The following SYNE1 variants were observed in gnomAD, a reference collection of about 807,000 sequenced individuals.
The protein encoded by SYNE1 is spectrin repeat containing nuclear envelope protein 1, also known as nesprin-1.
In SYNE1, 616 loss-of-function variants were observed where a neutral mutation model predicts 1,111.0. The ratio of observed to expected loss-of-function variants is 0.55; its 90% CI spans 0.52 to 0.59. The LOEUF (loss-of-function observed/expected upper bound fraction) is 0.59. Ranked by LOEUF, SYNE1 falls within the 20% of genes least tolerant of loss-of-function variation. The pLI, the probability that SYNE1 is intolerant of heterozygous loss-of-function variation, is 0.00. For synonymous variants in SYNE1, 3,855 were observed against 3,825.8 expected (o/e 1.01, Z -0.28); for missense variants, 10,006 against 10,417.0 (o/e 0.96, Z 1.72).
intron 127 of SYNE1, among the ~76,000 whole-genome samples, chr6:152,190,329 T>C (rs932874193): frequency 1.3e-5 from 2 of 152,210 alleles, no homozygotes; most frequent in Admixed American, 1.3e-4. Flanking sequence ...CCTCCACCAC[T>C]GAAGTCTTGA....
chr6:152,372,829 A>G (rs990697095), intron 59 of SYNE1, among the ~76,000 whole-genome samples: 90 of 152,196 alleles, frequency 5.9e-4, no homozygotes, highest in Non-Finnish European at 3.1e-4. Context: ...AGACCCTAAC[A>G]TGCAGGAAGC....
chr6:152,553,327 G>A (rs540031626), intron 3 of SYNE1, among the ~76,000 whole-genome samples: 1 of 152,228 alleles, frequency 6.6e-6, no homozygotes, highest in East Asian at 1.9e-4. Flanking sequence ...CAACCTATCT[G>A]GAGATAGGCA....
chr6:152,219,287 C>T (rs2079511590), intron 119 of SYNE1, 102 bp from the exon 120 acceptor site: 12 of 1,134,372 alleles, frequency 1.1e-5, no homozygotes, highest in East Asian at 2.4e-5. Flanking sequence ...ACCATTCCTA[C>T]GGATCATATT....
intron 124 of SYNE1, among the ~76,000 whole-genome samples, chr6:152,209,353 G>C (rs1185289935): frequency 6.6e-6 from 1 of 152,030 alleles, no homozygotes; most frequent in Non-Finnish European, 1.5e-5. Flanking sequence ...TTAAACAAAA[G>C]GTGAATAACA....
chr6:152,146,753 A>G (rs2059579938), intron 137 of SYNE1: 1 of 152,120 alleles, frequency 6.6e-6, no homozygotes, highest in Non-Finnish European at 1.5e-5. Flanking sequence ...TTCTATTTTT[A>G]TTCACCTTCC....
rs146445910 is a variant in SYNE1, at chr6:152,123,832, G to A, written c.26154-1156C>T. Reference sequence around the variant, plus strand: ...ATATGAGCGTGTGAAAGCTGTATTGGTAACTGTAGGTTTGGTCCAGAAGAA... The same window carrying A: ...ATATGAGCGTGTGAAAGCTGTATTGATAACTGTAGGTTTGGTCCAGAAGAA... On this transcript the variant is annotated intron_variant, in intron 145 of 145. Coordinates refer to ENST00000367255, the MANE Select transcript of SYNE1 (RefSeq NM_182961.4). Among the ~76,000 whole-genome samples, 497 of 152,310 alleles carry A rather than the reference G, an allele frequency of 3.3e-3. 2 individuals carry two copies. Among genetic ancestry groups the A allele is most frequent in the Admixed American group, 8.7e-3 (133 of 15,304 alleles).
At chr6:152,124,967 G>T (rs1165297114) in intron 145 of SYNE1, among the ~76,000 whole-genome samples, 1 of 152,218 alleles carries the variant, frequency 6.6e-6, no homozygotes, top group Non-Finnish European at 1.5e-5. Flanking sequence ...CCTCTGCGGT[G>T]TGTACTTATT....
At chr6:152,316,619 G>A in intron 87 of SYNE1, 1 of 546,976 alleles carries the variant, frequency 1.8e-6, no homozygotes. Flanking sequence ...GGGTCTTGGT[G>A]TAAGGTAGGT....
rs2097282755 is a variant in SYNE1 at position 152,376,402 on chromosome 6, T to G, written c.9303A>C (p.Ser3101=). 1 of 1,614,086 alleles carries G rather than the reference T, an allele frequency of 6.2e-7. No individual in the cohort carries two copies. ...TTACCTGTATTTTCTGAAGACTAGT[T>G]GAAACTTCACTTATATTTTGAGGTA... The part of the protein sequence containing the change: ...FDIPQNISEV[S]TSLQKIQEFL... The change falls in exon 58 of 146, where the codon TCA becomes TCC. Residue 3101 remains serine (S), a synonymous_variant. Transcript: ENST00000367255.
At chr6:152,334,600 G>A (rs146527985) in intron 76 of SYNE1, among the ~76,000 whole-genome samples, 24 of 152,204 alleles carry the variant, frequency 1.6e-4, no homozygotes, top group African/African-American at 4.8e-4. Context: ...CTTGAAGTGC[G>A]GCCTTTGTTT....
intron 87 of SYNE1, among the ~76,000 whole-genome samples, chr6:152,311,491 T>C (rs1021004058): frequency 1.3e-5 from 2 of 152,254 alleles, no homozygotes; most frequent in East Asian, 1.9e-4. Context: ...AACCATTCAA[T>C]GTACAGTCTA....
chr6:152,404,288 T>C lies in SYNE1; in HGVS notation c.6750A>G (p.Arg2250=). The part of the protein sequence containing the change: ...FESEVKNKAL[R]LEELHSKVND... ...TAACTTTGGAATGCAGTTCTTCCAA[T>C]CTCAATGCTTTGTTTTTAACTTCAG... The change falls in exon 46 of 146, where the codon AGA becomes AGG. Residue 2250 remains arginine (R), a synonymous_variant. Coordinates refer to ENST00000367255, the MANE Select transcript of SYNE1 (RefSeq NM_182961.4). 6.2e-7 allele frequency: 1 copy of C among 1,612,640 alleles called. No homozygotes were observed. The highest frequency in any genetic ancestry group is 8.5e-7 in the Non-Finnish European group (1 of 1,179,614).
chr6:152,326,232 A>G (rs1376582018), intron 79 of SYNE1, 64 bp downstream of exon 79: 2 of 1,612,234 alleles, frequency 1.2e-6, no homozygotes, highest in Non-Finnish European at 1.7e-6. Flanking sequence ...TCATTCGTGT[A>G]TTACTACTTT....
chr6:152,549,446 T>G (rs2099329541), intron 3 of SYNE1, among the ~76,000 whole-genome samples: 1 of 152,052 alleles, frequency 6.6e-6, no homozygotes, highest in African/African-American at 2.4e-5. Context: ...TTTACATGTG[T>G]GGGGGGGCGG....
chr6:152,571,469 T>C (rs1189416395), intron 3 of SYNE1, among the ~76,000 whole-genome samples: 1 of 152,172 alleles, frequency 6.6e-6, no homozygotes, highest in Non-Finnish European at 1.5e-5. Flanking sequence ...CCACGAAATT[T>C]AGAGCTACAC....
chr6:152,500,475 C>A (rs1223114170), intron 10 of SYNE1, among the ~76,000 whole-genome samples: 1 of 152,174 alleles, frequency 6.6e-6, no homozygotes, highest in Non-Finnish European at 1.5e-5. Flanking sequence ...AAGAAGCTAA[C>A]ATATTTCTAT....
intron 145 of SYNE1, among the ~76,000 whole-genome samples, chr6:152,124,260 C>T (rs1007776594): frequency 2.0e-5 from 3 of 152,100 alleles, no homozygotes; most frequent in Non-Finnish European, 4.4e-5. Flanking sequence ...GAGCCATGAT[C>T]GGAACACCAC....
chr6:152,264,265 T>G (rs1209287152), intron 100 of SYNE1, among the ~76,000 whole-genome samples: 1 of 149,774 alleles, frequency 6.7e-6, no homozygotes, highest in African/African-American at 2.5e-5. Flanking sequence ...GGTGGCTGAA[T>G]TTCCACGGAT....
rs541619758 is a variant in SYNE1 at position 152,563,259 on chromosome 6, C to T, written c.68-23238G>A. On this transcript the variant is annotated intron_variant, in intron 3 of 145. Coordinates refer to ENST00000367255, the MANE Select transcript of SYNE1 (RefSeq NM_182961.4). ...GCTTTCACCAAGGGAACTTCCAACT[C>T]TCCTAGCAGCATTCTCCTGATATTA... is the stretch of plus-strand genomic sequence containing the variant. 1.1e-4 allele frequency among the ~76,000 whole-genome samples: 17 copies of T among 152,206 alleles called. No homozygotes were observed. In the East Asian group the frequency reaches 2.7e-3, roughly 24 times the overall value.
Sources: gnomAD v4.1 joint callset for allele counts (sites outside exome capture counted in the v4.1 genomes callset) on GRCh38, gnomAD v4.1.1 for gene constraint, MANE v1.5 for transcripts, NCBI Gene and HGNC (gene_info 2026-07-23, HGNC 2026-07-21) for gene names.